The following OSBPL6 variants were observed in gnomAD, a reference collection of about 807,000 sequenced individuals.
OSBPL6 encodes oxysterol binding protein like 6, also known as oxysterol-binding protein-related protein 6.
In OSBPL6, 49 loss-of-function variants were observed where a neutral mutation model predicts 125.8. That is an observed-to-expected ratio of 0.39 (90% CI 0.31 to 0.49). The LOEUF (loss-of-function observed/expected upper bound fraction) is 0.49, where lower values mean the gene tolerates loss of function less well. Ranked by LOEUF, OSBPL6 falls within the 20% of genes least tolerant of loss-of-function variation. OSBPL6 has a pLI of 0.88. For synonymous variants in OSBPL6, 394 were observed against 391.8 expected (o/e 1.01, Z -0.07); for missense variants, 986 against 1,135.4 (o/e 0.87, Z 1.89).
At chr2:178,372,913 T>A (rs1281954923) in intron 14 of OSBPL6, among the ~76,000 whole-genome samples, 5 of 152,208 alleles carry the variant, frequency 3.3e-5, no homozygotes, top group African/African-American at 1.2e-4. Flanking sequence ...AGTGTATAAT[T>A]CTGTTTATGA....
intron 1 of OSBPL6, among the ~76,000 whole-genome samples, chr2:178,266,944 G>A (rs2092249392): frequency 6.6e-6 from 1 of 152,178 alleles, no homozygotes; most frequent in African/African-American, 2.4e-5. Context: ...TCATTCACAA[G>A]GATGTTTTCT....
At chr2:178,228,720 T>C (rs2090684429) in intron 1 of OSBPL6, among the ~76,000 whole-genome samples, 1 of 152,208 alleles carries the variant, frequency 6.6e-6, no homozygotes, top group South Asian at 2.1e-4. Context: ...CCTTCTTTTT[T>C]TCATATTGTC....
chr2:178,381,376 CAG>C, intron 15 of OSBPL6, among the ~76,000 whole-genome samples: 1 of 152,096 alleles, frequency 6.6e-6, no homozygotes, highest in African/African-American at 2.4e-5. Context: ...TTTTTTGAGA[CAG>C]AGTCTCGCTC....
rs569014408 is a variant in OSBPL6, at chr2:178,326,161, A to G, written c.195+1892A>G. ...ATTGTCCTGATCAGGATTTGTTCCA[A>G]TCCTAAGCTTGATGCATTCACCTGC... is the stretch of plus-strand genomic sequence containing the variant. On this transcript the variant is annotated intron_variant, in intron 4 of 24. Transcript: ENST00000190611. Among the ~76,000 whole-genome samples, 320 of 151,364 alleles carry G rather than the reference A, an allele frequency of 2.1e-3. 3 individuals are homozygous for G. The highest frequency in any genetic ancestry group is 3.5e-3 in the Non-Finnish European group (235 of 67,864).
At chr2:178,389,992 A>G (rs1695264346) in intron 21 of OSBPL6, among the ~76,000 whole-genome samples, 1 of 152,030 alleles carries the variant, frequency 6.6e-6, no homozygotes, top group Non-Finnish European at 1.5e-5. Flanking sequence ...CTTTTTTCTT[A>G]GAGACTCGTA....
At chr2:178,382,282 C>A (rs1694552049) in intron 15 of OSBPL6, 138 bp from the exon 16 acceptor site, 3 of 1,076,674 alleles carry the variant, frequency 2.8e-6, no homozygotes, top group Non-Finnish European at 3.9e-6. Context: ...GTGTTCATTG[C>A]ACATATGTCA....
chr2:178,395,399 A>T, intron 24 of OSBPL6, 52 bp from the exon 25 acceptor site: 1 of 1,340,682 alleles, frequency 7.5e-7, no homozygotes, highest in Non-Finnish European at 1.1e-6. Flanking sequence ...GGTCCTATTT[A>T]AGGTTACCTT....
intron 1 of OSBPL6, among the ~76,000 whole-genome samples, chr2:178,250,113 A>G (rs567753898): frequency 6.6e-6 from 1 of 152,322 alleles, no homozygotes; most frequent in South Asian, 2.1e-4. Context: ...CTAACACAGA[A>G]GTTAGTAAAT....
At position 178,324,231 on chromosome 2, in the gene OSBPL6, C is replaced by T. The variant is rs767839306; in HGVS notation, c.157C>T (p.Arg53Trp). ...ASSSTEPSVS[R>W]QLLEPEPVPL... ...CTCTAGCACCGAGCCCTCTGTAAGT[C>T]GGCAATTGCTAGAACCGGAGCCAGT... The change falls in exon 4 of 25, where the codon CGG becomes TGG. Residue 53 changes from arginine to tryptophan, a missense_variant. Around this residue, in one of 3 missense-constraint regions of OSBPL6, gnomAD observed 130 missense variants for 106.4 expected, o/e 1.22. Transcript: ENST00000190611. 1.0e-5 allele frequency: 16 copies of T among 1,582,476 alleles called. No individual in the cohort carries two copies. Among genetic ancestry groups the T allele is most frequent in the East Asian group, 6.8e-5 (3 of 44,284 alleles).
chr2:178,272,292 C>A (rs1475098005), intron 1 of OSBPL6, among the ~76,000 whole-genome samples: 1 of 152,194 alleles, frequency 6.6e-6, no homozygotes, highest in Admixed American at 6.5e-5. Flanking sequence ...TTTTGTTAAT[C>A]TTTCCCTGTC....
intron 1 of OSBPL6, among the ~76,000 whole-genome samples, chr2:178,195,274 G>A (rs1194677751): frequency 6.6e-6 from 1 of 152,206 alleles, no homozygotes; most frequent in Non-Finnish European, 1.5e-5. Context: ...TGGCGCCCCT[G>A]CAGCCCTCCC....
At chr2:178,338,705 G>C (rs1238811976) in intron 9 of OSBPL6, among the ~76,000 whole-genome samples, 1 of 152,162 alleles carries the variant, frequency 6.6e-6, no homozygotes, top group African/African-American at 2.4e-5. Flanking sequence ...TTCCCATGTG[G>C]CAAAAGCTAT....
intron 1 of OSBPL6, among the ~76,000 whole-genome samples, chr2:178,267,090 A>G (rs1034795265): frequency 1.3e-5 from 2 of 152,284 alleles, no homozygotes; most frequent in Non-Finnish European, 2.9e-5. Flanking sequence ...ATGGTAGCTC[A>G]TGCCTGTAAT....
At chr2:178,265,187 G>A (rs866821396) in intron 1 of OSBPL6, among the ~76,000 whole-genome samples, 55 of 80,708 alleles carry the variant, frequency 6.8e-4, no homozygotes, top group African/African-American at 2.0e-3. Flanking sequence ...TGGCCCAGAC[G>A]AGACTTTTTT....
chr2:178,395,692 A>T lies in OSBPL6; in HGVS notation c.*133A>T. On this transcript the variant is annotated 3_prime_UTR_variant, in exon 25 of 25. Coordinates refer to ENST00000190611, the MANE Select transcript of OSBPL6 (RefSeq NM_032523.4). ...ACCATTTGCTTTTCTATTCATCTTT[A>T]TAATGGACTTTCAGAAGTGCATTAG... 1.7e-6 allele frequency: 1 copy of T among 594,226 alleles called. No homozygotes were observed. The highest frequency in any genetic ancestry group is 2.9e-6 in the Non-Finnish European group (1 of 346,984). The allele number at this position is 594,226 out of a possible 1,614,324, so 36.8% of individuals were successfully genotyped here.
At position 178,238,288 on chromosome 2, in the gene OSBPL6, C is replaced by A. The variant is rs1338566070; in HGVS notation, c.-351+43614C>A. The stretch of plus-strand genomic sequence containing the variant: ...TCTCATGCCGCCCTGCTCTGTCCCA[C>A]CCGGGATATGAATCATCTCTTTTTC... On this transcript the variant is annotated intron_variant, in intron 1 of 24. Coordinates refer to ENST00000190611, the MANE Select transcript of OSBPL6 (RefSeq NM_032523.4). 2.6e-5 allele frequency among the ~76,000 whole-genome samples: 4 copies of A among 152,200 alleles called. No individual in the cohort carries two copies. The East Asian group carries it at 7.7e-4, about 29-fold the overall frequency.
At chr2:178,237,315 G>A (rs2091093579) in intron 1 of OSBPL6, among the ~76,000 whole-genome samples, 1 of 151,268 alleles carries the variant, frequency 6.6e-6, no homozygotes. Context: ...GTAAGATCAA[G>A]GCTATCAGAT....
intron 8 of OSBPL6, among the ~76,000 whole-genome samples, chr2:178,335,297 A>G (rs545989740): frequency 6.6e-6 from 1 of 152,204 alleles, no homozygotes; most frequent in African/African-American, 2.4e-5. Context: ...CTAAAATCAA[A>G]TCCTCCCCAC....
At chr2:178,310,810 AAATCCAGG>A (rs1687206764) in intron 3 of OSBPL6, among the ~76,000 whole-genome samples, 1 of 152,272 alleles carries the variant, frequency 6.6e-6, no homozygotes, top group East Asian at 1.9e-4. Context: ...ATTTGGTGAG[AAATCCAGG>A]AATCCAGGAA....
Sources: allele counts gnomAD v4.1 joint callset (sites outside exome capture counted in the v4.1 genomes callset), GRCh38; gene constraint gnomAD v4.1.1; regional missense constraint gnomAD v4.1.1; transcripts MANE v1.5; gene names NCBI Gene and HGNC (gene_info 2026-07-23, HGNC 2026-07-21).